LRP1B: variants seen among roughly 807,000 people sequenced by gnomAD.
LRP1B encodes LDL receptor related protein 1B, also known as low-density lipoprotein receptor-related protein 1B.
A neutral mutation model predicts 556.6 loss-of-function variants in LRP1B; 217 were observed. The observed-to-expected ratio is 0.39, with a 90% CI of 0.35 to 0.44. The LOEUF (loss-of-function observed/expected upper bound fraction) is 0.44, where lower values mean the gene tolerates loss of function less well. Ranked by LOEUF, LRP1B falls within the 20% of genes least tolerant of loss-of-function variation. The pLI, the probability that LRP1B is intolerant of heterozygous loss-of-function variation, is 1.00. For missense variants in LRP1B, 5,053 were observed against 5,620.8 expected (o/e 0.90, Z 3.23); for synonymous variants, 2,047 against 1,865.8 (o/e 1.10, Z -2.50).
At chr2:141,194,992 T>TAATTTAAAATTATTTTAA (rs2105210753) in intron 6 of LRP1B, among the ~76,000 whole-genome samples, 1 of 152,256 alleles carries the variant, frequency 6.6e-6, no homozygotes, top group South Asian at 2.1e-4. Flanking sequence ...GTAGTTGTGA[T>TAATTTAAAATTATTTTAA]AATTTAAAAA....
intron 60 of LRP1B, among the ~76,000 whole-genome samples, chr2:140,462,696 A>G (rs551571123): frequency 6.6e-6 from 1 of 152,322 alleles, no homozygotes; most frequent in East Asian, 1.9e-4. Context: ...TGGCACAGGA[A>G]GAGGGCAAAG....
intron 71 of LRP1B, among the ~76,000 whole-genome samples, chr2:140,366,608 A>C (rs1196211286): frequency 6.6e-6 from 1 of 151,798 alleles, no homozygotes; most frequent in Non-Finnish European, 1.5e-5. Flanking sequence ...AAAGTAATCA[A>C]AATGGTTACA....
intron 2 of LRP1B, among the ~76,000 whole-genome samples, chr2:141,666,591 C>T (rs1333465360): frequency 6.6e-6 from 1 of 152,154 alleles, no homozygotes; most frequent in Non-Finnish European, 1.5e-5. Flanking sequence ...CTTGCCTATG[C>T]TATGGATGAT....
At position 142,010,096 on chromosome 2, in the gene LRP1B, T is replaced by C. The variant is rs943680183; in HGVS notation, c.82+120552A>G. 3.3e-5 allele frequency among the ~76,000 whole-genome samples: 5 copies of C among 152,250 alleles called. No homozygotes were observed. The South Asian group carries it at 6.2e-4, about 19-fold the overall frequency. On this transcript the variant is annotated intron_variant, in intron 1 of 90. Transcript: ENST00000389484. The stretch of plus-strand genomic sequence containing the variant: ...CAACTGGGAGCAATTTTGCCTCCCA[T>C]GGAACATTTTGGCAATGCCCAAAGA...
At chr2:141,072,855 C>T (rs1699684071) in intron 7 of LRP1B, among the ~76,000 whole-genome samples, 1 of 152,014 alleles carries the variant, frequency 6.6e-6, no homozygotes, top group Non-Finnish European at 1.5e-5. Context: ...ATTTCTAGAT[C>T]AATTATTTTT....
At chr2:140,257,054 T>C (rs1199003851) in intron 86 of LRP1B, among the ~76,000 whole-genome samples, 1 of 152,076 alleles carries the variant, frequency 6.6e-6, no homozygotes, top group Non-Finnish European at 1.5e-5. Flanking sequence ...GATGATAATA[T>C]CAGCAATTAT....
intron 2 of LRP1B, among the ~76,000 whole-genome samples, chr2:141,510,228 A>ACACC (rs1559112425): frequency 6.7e-6 from 1 of 150,364 alleles, no homozygotes; most frequent in Non-Finnish European, 1.5e-5. Flanking sequence ...ACACACACAC[A>ACACC]CACACACCCC....
At chr2:141,854,573 G>A (rs1277647842) in intron 1 of LRP1B, among the ~76,000 whole-genome samples, 4 of 151,946 alleles carry the variant, frequency 2.6e-5, no homozygotes, top group Admixed American at 2.6e-4. Flanking sequence ...TGAATTTGTA[G>A]GAACTATAAA....
chr2:140,676,575 A>G (rs558428830), intron 41 of LRP1B, among the ~76,000 whole-genome samples: 1 of 152,342 alleles, frequency 6.6e-6, no homozygotes, highest in East Asian at 1.9e-4. Context: ...TGCTTTCATT[A>G]CAAGTTTGAC....
At chr2:141,996,673 T>G (rs1702499404) in intron 1 of LRP1B, among the ~76,000 whole-genome samples, 1 of 151,014 alleles carries the variant, frequency 6.6e-6, no homozygotes, top group Non-Finnish European at 1.5e-5. Flanking sequence ...TTACCTTTAT[T>G]TAAAATTTTA....
At chr2:141,334,835 A>G (rs902846100) in intron 3 of LRP1B, among the ~76,000 whole-genome samples, 3 of 152,164 alleles carry the variant, frequency 2.0e-5, no homozygotes, top group African/African-American at 7.2e-5. Context: ...TACAGGCATG[A>G]CCCACCATGC....
At chr2:140,432,138 T>C (rs1685972651) in intron 66 of LRP1B, among the ~76,000 whole-genome samples, 2 of 150,760 alleles carry the variant, frequency 1.3e-5, no homozygotes, top group South Asian at 4.3e-4. Context: ...GATGACATTA[T>C]CTTCTGAAAT....
chr2:141,724,971 T>C (rs1213573040), intron 2 of LRP1B, among the ~76,000 whole-genome samples: 5 of 151,970 alleles, frequency 3.3e-5, no homozygotes, highest in Non-Finnish European at 2.9e-5. Flanking sequence ...TTCACAGGTA[T>C]AGAAACTGCC....
At chr2:141,058,201 C>T (rs181017766) in intron 9 of LRP1B, among the ~76,000 whole-genome samples, 37 of 151,892 alleles carry the variant, frequency 2.4e-4, no homozygotes, top group Admixed American at 2.4e-3. Flanking sequence ...CTGTTGTAAA[C>T]ATATTTGTGA....
chr2:140,827,201 A>C (rs1040484037), intron 31 of LRP1B, among the ~76,000 whole-genome samples: 8 of 152,164 alleles, frequency 5.3e-5, no homozygotes, highest in Non-Finnish European at 8.8e-5. Context: ...CTTCAATGAA[A>C]AGCTATAGAC....
At chr2:140,667,386 C>G (rs1022148713) in intron 41 of LRP1B, among the ~76,000 whole-genome samples, 12 of 151,954 alleles carry the variant, frequency 7.9e-5, no homozygotes, top group Non-Finnish European at 1.8e-4. Flanking sequence ...CAAATGTTTA[C>G]CTAAAGAGCA....
chr2:141,958,639 G>A (rs1480276600), intron 1 of LRP1B, among the ~76,000 whole-genome samples: 1 of 151,960 alleles, frequency 6.6e-6, no homozygotes, highest in Admixed American at 6.6e-5. Context: ...TCTAGAGCAT[G>A]AGTTCTGTTT....
At chr2:141,058,261 C>T (rs948677183) in intron 9 of LRP1B, among the ~76,000 whole-genome samples, 2 of 151,770 alleles carry the variant, frequency 1.3e-5, no homozygotes, top group Non-Finnish European at 2.9e-5. Flanking sequence ...TAATTCTAGG[C>T]TAGTTTTAAT....
intron 1 of LRP1B, among the ~76,000 whole-genome samples, chr2:141,910,393 C>G (rs1699878137): frequency 6.6e-6 from 1 of 152,026 alleles, no homozygotes; most frequent in African/African-American, 2.4e-5. Context: ...GAGACTATGT[C>G]TTTTACAACC....
Sources: allele counts gnomAD v4.1 joint callset (sites outside exome capture counted in the v4.1 genomes callset), GRCh38; gene constraint gnomAD v4.1.1; transcripts MANE v1.5; gene names NCBI Gene and HGNC (gene_info 2026-07-23, HGNC 2026-07-21).